HDLBP: variants seen among roughly 807,000 people sequenced by gnomAD.
The protein encoded by HDLBP is high density lipoprotein binding protein, also known as vigilin.
In HDLBP, 30 loss-of-function variants were observed where a neutral mutation model predicts 137.3. That is an observed-to-expected ratio of 0.22 (90% CI 0.16 to 0.30). The LOEUF is 0.30. Ranked by LOEUF, HDLBP falls within the 10% of genes least tolerant of loss-of-function variation. The pLI is 1.00. For synonymous variants in HDLBP, 606 were observed against 596.0 expected, an observed-to-expected ratio of 1.02 and a Z score of -0.24; for missense variants, 1,119 against 1,667.3, an observed-to-expected ratio of 0.67 and a Z score of 5.73.
chr2:241,285,524 C>A (rs1213118508), intron 1 of HDLBP, among the ~76,000 whole-genome samples: 1 of 152,188 alleles, frequency 6.6e-6, no homozygotes, highest in Non-Finnish European at 1.5e-5. Context: ...GAGCAGAGTG[C>A]CTTCTAGTGT....
At position 241,240,127 on chromosome 2, in the gene HDLBP, A is replaced by G; in HGVS notation, c.2170-5T>C. 1.2e-6 allele frequency: 2 copies of G among 1,613,904 alleles called. No homozygotes were observed. Among genetic ancestry groups the G allele is most frequent in the Non-Finnish European group, 1.7e-6 (2 of 1,179,774 alleles). ...AACAGTGAAACTCTTGGTTTGCTGC[A>G]GAAACCAATCCCACTGTGTTAGCCT... On this transcript the variant is annotated splice_polypyrimidine_tract_variant and splice_region_variant and intron_variant, in intron 17 of 27. Transcript: ENST00000310931. This position sits in a 1 kb window ranked among gnomAD's most constrained non-coding sequence, Gnocchi z 5.5.
rs867589756 is a variant in HDLBP at position 241,239,022 on chromosome 2, G to C, written c.2611-235C>G. ...CCCAGAAGGCCAGGTGCCATCCCTG[G>C]AGGGTGGCCAATTCAGCCAAAGGAG... is the stretch of plus-strand genomic sequence containing the variant. On this transcript the variant is annotated intron_variant, in intron 19 of 27. Coordinates refer to ENST00000310931, the MANE Select transcript of HDLBP (RefSeq NM_005336.6). The surrounding 1 kb of genome is among the most constrained non-coding windows in gnomAD (Gnocchi z 4.6). 4.6e-5 allele frequency among the ~76,000 whole-genome samples: 7 copies of C among 152,300 alleles called. No homozygotes were observed. The highest frequency in any genetic ancestry group is 3.4e-3 in the Middle Eastern group (1 of 294).
intron 1 of HDLBP, among the ~76,000 whole-genome samples, chr2:241,303,446 A>G (rs972027983): frequency 5.3e-5 from 8 of 152,242 alleles, no homozygotes; most frequent in South Asian, 4.1e-4. Context: ...AACAAGCAAC[A>G]GGAGAGAGGC....
At chr2:241,288,308 C>T (rs953619292) in intron 1 of HDLBP, among the ~76,000 whole-genome samples, 2 of 152,116 alleles carry the variant, frequency 1.3e-5, no homozygotes, top group African/African-American at 4.8e-5. Flanking sequence ...CCTATTCAAG[C>T]CTTGGAAACT....
chr2:241,258,268 AC>A (rs2072870458), intron 5 of HDLBP, among the ~76,000 whole-genome samples: 1 of 143,750 alleles, frequency 7.0e-6, no homozygotes, highest in Admixed American at 7.6e-5. Context: ...AATGGCGTGA[AC>A]CCGGGAGGCG....
At chr2:241,256,561 C>G in intron 6 of HDLBP, 39 bp downstream of exon 6, 5 of 1,598,248 alleles carry the variant, frequency 3.1e-6, no homozygotes, top group South Asian at 1.1e-5. Flanking sequence ...TCTGCACAAG[C>G]AGGTAGGCAG....
Position 241,239,232 on chromosome 2 carries a change from T to A in HDLBP, c.2610+370A>T, listed in dbSNP as rs565951447. On this transcript the variant is annotated intron_variant, in intron 19 of 27. Transcript: ENST00000310931. The surrounding 1 kb of genome is among the most constrained non-coding windows in gnomAD (Gnocchi z 4.6). ...CGTGGATGCCCTCAAATCGATTTTC[T>A]TTCCTTCACAGAGGGGAGAAGAGAG... Among the ~76,000 whole-genome samples the A allele has an allele frequency of 6.6e-6, 1 of 152,220 alleles. No homozygotes were observed. Among genetic ancestry groups the A allele is most frequent in the Admixed American group, 6.5e-5 (1 of 15,286 alleles).
chr2:241,255,893 A>C (rs889631855), intron 7 of HDLBP, among the ~76,000 whole-genome samples: 1 of 152,242 alleles, frequency 6.6e-6, no homozygotes, highest in African/African-American at 2.4e-5. Context: ...CTAACAGCTT[A>C]ATCTAAGACG....
At chr2:241,259,348 T>G (rs956351861) in intron 5 of HDLBP, among the ~76,000 whole-genome samples, 18 of 152,198 alleles carry the variant, frequency 1.2e-4, no homozygotes, top group African/African-American at 4.3e-4. Flanking sequence ...GAGATTTCTC[T>G]GAAAGTACTT....
At chr2:241,271,062 C>A (rs2074002019) in intron 1 of HDLBP, 3 of 985,402 alleles carry the variant, frequency 3.0e-6, no homozygotes, top group Non-Finnish European at 3.6e-6. Context: ...ATGACAAAAT[C>A]TACAACTTCT....
intron 1 of HDLBP, among the ~76,000 whole-genome samples, chr2:241,289,835 C>T (rs758555198): frequency 7.9e-5 from 12 of 151,954 alleles, no homozygotes; most frequent in African/African-American, 2.2e-4. Flanking sequence ...TAGGCATCAA[C>T]GTGGGGTGAG....
At chr2:241,264,695 A>T in intron 3 of HDLBP, 90 bp from the exon 4 acceptor site, 1 of 1,256,516 alleles carries the variant, frequency 8.0e-7, no homozygotes. Flanking sequence ...AAAAACAGAC[A>T]AACAAGAACC....
At chr2:241,270,874 C>T (rs184921415) in intron 1 of HDLBP, 56 of 704,402 alleles carry the variant, frequency 8.0e-5, no homozygotes, top group Middle Eastern at 7.3e-4. Flanking sequence ...AGAACAGAGG[C>T]TAACATCGGG....
At chr2:241,234,504 G>A (rs1044012856) in intron 23 of HDLBP, among the ~76,000 whole-genome samples, 13 of 152,194 alleles carry the variant, frequency 8.5e-5, no homozygotes, top group African/African-American at 2.2e-4. Context: ...CAGACTCGAC[G>A]TGCTCACGGG....
Position 241,230,966 on chromosome 2 carries a change from A to G in HDLBP, c.3289-22T>C. The G allele has an allele frequency of 6.2e-7, 1 of 1,603,948 alleles. No homozygotes were observed. The highest frequency in any genetic ancestry group is 8.5e-7 in the Non-Finnish European group (1 of 1,171,182). On this transcript the variant is annotated intron_variant, in intron 24 of 27. Coordinates refer to ENST00000310931, the MANE Select transcript of HDLBP (RefSeq NM_005336.6). The surrounding 1 kb of genome is among the most constrained non-coding windows in gnomAD (Gnocchi z 5.0). Reference sequence around the variant, plus strand: ...GGGGCTAAAAAAGGAGAATGTAGTCAGAAAAGGGGATGCCTTACTGGGATT... The same window carrying G: ...GGGGCTAAAAAAGGAGAATGTAGTCGGAAAAGGGGATGCCTTACTGGGATT...
intron 1 of HDLBP, among the ~76,000 whole-genome samples, chr2:241,274,705 C>T (rs191459073): frequency 9.5e-4 from 144 of 152,302 alleles, no homozygotes; most frequent in Middle Eastern, 3.4e-3. Context: ...AATAACCGTC[C>T]AGAATGCTTC....
At chr2:241,246,600 A>C (rs1480324973) in intron 16 of HDLBP, 152 bp downstream of exon 16, 1 of 738,798 alleles carries the variant, frequency 1.4e-6, no homozygotes, top group Non-Finnish European at 2.2e-6. Context: ...AAAACTGCTG[A>C]CCAACTCATC....
chr2:241,275,725 G>A (rs1469556989), intron 1 of HDLBP, among the ~76,000 whole-genome samples: 3 of 152,270 alleles, frequency 2.0e-5, no homozygotes, highest in South Asian at 2.1e-4. Flanking sequence ...AGAATACTAT[G>A]AGACCAAAGG....
intron 2 of HDLBP, 152 bp downstream of exon 2, chr2:241,268,325 G>T (rs965490337): frequency 3.8e-6 from 1 of 263,542 alleles, no homozygotes; most frequent in Non-Finnish European, 5.9e-6. Context: ...GGGAGGTGAA[G>T]CTATGGAGAC....
Sources: gnomAD v4.1 joint callset for allele counts (sites outside exome capture counted in the v4.1 genomes callset) on GRCh38, gnomAD v4.1.1 for gene constraint, Gnocchi (gnomAD v3.1) non-coding constraint, MANE v1.5 for transcripts, NCBI Gene and HGNC (gene_info 2026-07-23, HGNC 2026-07-21) for gene names.